The following SLC12A7 variants were observed in gnomAD, a reference collection of about 807,000 sequenced individuals.
SLC12A7 encodes the protein solute carrier family 12 member 7.
A neutral mutation model predicts 120.6 loss-of-function variants in SLC12A7; 100 were observed. The ratio of observed to expected loss-of-function variants is 0.83; its 90% confidence interval spans 0.71 to 0.98. The LOEUF is 0.98. Ranked by LOEUF, SLC12A7 falls within the 50% of genes least tolerant of loss-of-function variation. The pLI is 0.00. For synonymous variants in SLC12A7, 760 were observed against 678.0 expected (o/e 1.12, Z -1.88); for missense variants, 1,373 against 1,548.1 (o/e 0.89, Z 1.90).
Position 1,111,965 on chromosome 5 carries a change from G to A in SLC12A7, c.27C>T (p.Pro9=), listed in dbSNP as rs770043384. The A allele has an allele frequency of 5.4e-6, 7 of 1,292,130 alleles. No homozygotes were observed. The South Asian group carries it at 1.1e-4, about 21-fold the overall frequency. 80.0% of individuals were successfully genotyped at this position (1,292,130 alleles called of 1,614,324 possible). The stretch of plus-strand genomic sequence containing the variant: ...CGCCGCCGTCGGCGTGAGCCTCCAC[G>A]GGCACCACGGTGAAGTTGGTGGGCA... MPTNFTVV[P]VEAHADGGGD... The change falls in exon 1 of 24, where the codon CCC becomes CCT. Residue 9 remains proline (P), a synonymous_variant. Transcript: ENST00000264930.
Position 1,111,932 on chromosome 5 carries a change from C to G in SLC12A7, c.60G>C (p.Glu20Asp). ...VEAHADGGGD[E>D]TAERTEAPGT... The stretch of plus-strand genomic sequence containing the variant: ...CCGGAGCCTCCGTCCGCTCGGCAGT[C>G]TCGTCCCCGCCGCCGTCGGCGTGAG... The change falls in exon 1 of 24, where the codon GAG (glutamate) becomes GAC (aspartate). Residue 20 changes from glutamate to aspartate, a missense_variant. Glu to Asp is a conservative substitution (Grantham distance 45). Coordinates refer to ENST00000264930, the MANE Select transcript of SLC12A7 (RefSeq NM_006598.3). The G allele has an allele frequency of 7.8e-7, 1 of 1,286,060 alleles. No homozygotes were observed. The highest frequency in any genetic ancestry group is 9.8e-7 in the Non-Finnish European group (1 of 1,015,660). 79.7% of individuals were successfully genotyped at this position (1,286,060 alleles called of 1,614,324 possible). A position where few individuals can be genotyped will look rare whatever the true frequency, so the allele number is the denominator to read the frequency against.
intron 8 of SLC12A7, among the ~76,000 whole-genome samples, chr5:1,083,109 A>G (rs1478831466): frequency 1.4e-5 from 2 of 139,942 alleles, no homozygotes; most frequent in Non-Finnish European, 3.0e-5. Flanking sequence ...AGGGTTCTGG[A>G]AAGTCCGGGC....
At chr5:1,101,146 C>T (rs1196803807) in intron 1 of SLC12A7, among the ~76,000 whole-genome samples, 5 of 152,344 alleles carry the variant, frequency 3.3e-5, no homozygotes, top group South Asian at 4.1e-4. Context: ...GGCCCCTCCT[C>T]GCTCACCTGC....
the SLC12A7 span, among the ~76,000 whole-genome samples, chr5:1,130,186 G>A: frequency 2.0e-5 from 3 of 152,210 alleles, no homozygotes; most frequent in South Asian, 2.1e-4. Context: ...GCAGCCTCCC[G>A]GGCAGCCCAG....
intron 17 of SLC12A7, among the ~76,000 whole-genome samples, chr5:1,066,181 C>T (rs1737034100): frequency 6.6e-6 from 1 of 152,162 alleles, no homozygotes; most frequent in African/African-American, 2.4e-5. Flanking sequence ...TTGTGTGGTA[C>T]CAGTGGCCCC....
chr5:1,056,394 C>G (rs1735612049), intron 22 of SLC12A7, among the ~76,000 whole-genome samples: 1 of 152,162 alleles, frequency 6.6e-6, no homozygotes, highest in Non-Finnish European at 1.5e-5. Context: ...GCGAAGGCAA[C>G]AGGAAACTGA....
At chr5:1,104,378 G>A (rs1174383727) in intron 1 of SLC12A7, among the ~76,000 whole-genome samples, 1 of 152,208 alleles carries the variant, frequency 6.6e-6, no homozygotes, top group Non-Finnish European at 1.5e-5. Flanking sequence ...GACATCCCCT[G>A]TGCACGGGAC....
chr5:1,068,604 C>A (rs1018999600), intron 17 of SLC12A7, among the ~76,000 whole-genome samples: 2 of 152,248 alleles, frequency 1.3e-5, no homozygotes, highest in African/African-American at 4.8e-5. Context: ...CCCTCGCAAC[C>A]AATGCAGCTA....
At chr5:1,064,689 G>C (rs1471922767) in intron 18 of SLC12A7, among the ~76,000 whole-genome samples, 1 of 151,870 alleles carries the variant, frequency 6.6e-6, no homozygotes, top group Non-Finnish European at 1.5e-5. Context: ...ACGGTGAAGG[G>C]ACAGTGAGGG....
intron 1 of SLC12A7, among the ~76,000 whole-genome samples, chr5:1,100,333 T>G (rs559704380): frequency 6.6e-6 from 1 of 152,148 alleles, no homozygotes; most frequent in Non-Finnish European, 1.5e-5. Flanking sequence ...CCAGAGTCAC[T>G]GGGAAAGAAG....
intron 1 of SLC12A7, among the ~76,000 whole-genome samples, 164 bp downstream of exon 1, chr5:1,111,704 T>G (rs912637639): frequency 6.6e-6 from 1 of 151,836 alleles, no homozygotes; most frequent in African/African-American, 2.4e-5. Flanking sequence ...GCCACTAACG[T>G]GGGGTGGGGG....
At chr5:1,079,759 C>T (rs547547239) in intron 9 of SLC12A7, among the ~76,000 whole-genome samples, 2 of 152,318 alleles carry the variant, frequency 1.3e-5, no homozygotes, top group Non-Finnish European at 2.9e-5. Flanking sequence ...ACCCCCACGC[C>T]CCCCACACCC....
the SLC12A7 span, among the ~76,000 whole-genome samples, chr5:1,152,929 C>T: frequency 7.2e-5 from 11 of 152,332 alleles, no homozygotes; most frequent in Admixed American, 3.3e-4. Context: ...ACAAATGGCC[C>T]GCCTGGCATG....
Position 1,073,982 on chromosome 5 carries a change from G to A in SLC12A7, c.2073-181C>T, listed in dbSNP as rs1441693363. 3.9e-5 allele frequency among the ~76,000 whole-genome samples: 6 copies of A among 152,142 alleles called. No homozygotes were observed. The East Asian group carries it at 1.2e-3, about 29-fold the overall frequency. On this transcript the variant is annotated intron_variant, in intron 16 of 23. Coordinates refer to ENST00000264930, the MANE Select transcript of SLC12A7 (RefSeq NM_006598.3). Reference sequence around the variant, plus strand: ...TGGGATGGGGAAACGTGACACACGTGGGGTAAGTTGAACAGGTGACAGGTG... The same window carrying A: ...TGGGATGGGGAAACGTGACACACGTAGGGTAAGTTGAACAGGTGACAGGTG...
At chr5:1,110,652 C>T (rs1372008473) in intron 1 of SLC12A7, among the ~76,000 whole-genome samples, 7 of 152,260 alleles carry the variant, frequency 4.6e-5, no homozygotes, top group East Asian at 3.8e-4. Context: ...GCCCACACTC[C>T]TTGGTGCTTC....
rs576966625 is a variant in SLC12A7, at chr5:1,078,766, C to G, written c.1397-8G>C. ...GCACAATGCAGGAGAGATCCACAGC[C>G]CTCGTCAAGGAAAGGCAGGTCCGTG... On this transcript the variant is annotated splice_region_variant and splice_polypyrimidine_tract_variant and intron_variant, in intron 10 of 23. Transcript: ENST00000264930. The G allele has an allele frequency of 1.2e-6, 2 of 1,605,264 alleles. No homozygotes were observed. Among genetic ancestry groups the G allele is most frequent in the Non-Finnish European group, 1.7e-6 (2 of 1,176,660 alleles).
the SLC12A7 span, among the ~76,000 whole-genome samples, chr5:1,137,970 G>A: frequency 6.6e-6 from 1 of 152,188 alleles, no homozygotes; most frequent in Non-Finnish European, 1.5e-5. Context: ...TGGTTCCTGG[G>A]CTCCTGGTTC....
chr5:1,100,430 G>A (rs114679545), intron 1 of SLC12A7, among the ~76,000 whole-genome samples: 5,788 of 152,324 alleles, frequency 0.038, 147 homozygotes, highest in Non-Finnish European at 0.063. Flanking sequence ...CGATGGTCTC[G>A]CAGCAGCCCC....
chr5:1,139,750 C>CAG, the SLC12A7 span, among the ~76,000 whole-genome samples: 7 of 152,332 alleles, frequency 4.6e-5, no homozygotes, highest in Admixed American at 1.3e-4. Flanking sequence ...CGGCAGGCCC[C>CAG]GTGTCTTTGG....
Sources: gnomAD v4.1 joint callset for allele counts (sites outside exome capture counted in the v4.1 genomes callset) on GRCh38, gnomAD v4.1.1 for gene constraint, MANE v1.5 for transcripts, NCBI Gene and HGNC (gene_info 2026-07-23, HGNC 2026-07-21) for gene names.